Variants in PBRM1 observed in about 807,000 individuals in gnomAD.
PBRM1 encodes the protein protein polybromo-1.
In PBRM1, 27 loss-of-function variants were observed where a neutral mutation model predicts 194.5. The observed-to-expected ratio is 0.14, with a 90% CI of 0.10 to 0.19. PBRM1 has a LOEUF of 0.19. PBRM1 is among the 10% of genes least tolerant of loss of function. The probability of loss-of-function intolerance (pLI) is 1.00; values close to 1 mark genes in which losing one functional copy is unlikely to be tolerated. For missense variants in PBRM1, 1,466 were observed against 2,077.2 expected (o/e 0.71, Z 5.72); for synonymous variants, 655 against 693.2 (o/e 0.94, Z 0.87).
At chr3:52,682,501 T>C (rs1044694052), upstream of PBRM1, among the ~76,000 whole-genome samples, 3 of 152,024 alleles carry the variant, frequency 2.0e-5, no homozygotes, top group Admixed American at 1.3e-4. Context: ...GATGACACAA[T>C]ATCCCAATAT....
At chr3:52,674,230 C>T (rs1041732353) in intron 2 of PBRM1, among the ~76,000 whole-genome samples, 1 of 151,802 alleles carries the variant, frequency 6.6e-6, no homozygotes, top group Admixed American at 6.6e-5. Flanking sequence ...GCCTGTAATG[C>T]CAGCACTTTG....
At chr3:52,592,297 A>G (rs2093163924) in intron 17 of PBRM1, among the ~76,000 whole-genome samples, 1 of 151,074 alleles carries the variant, frequency 6.6e-6, no homozygotes, top group Non-Finnish European at 1.5e-5. Context: ...ACACCTGGCT[A>G]ATTTTTGTAT....
chr3:52,583,342 C>T (rs72947583), intron 20 of PBRM1, among the ~76,000 whole-genome samples: 16,957 of 150,016 alleles, frequency 0.11, 2,526 homozygotes, highest in African/African-American at 0.35. Flanking sequence ...CCCAGGAAGG[C>T]GGACGTTACA....
At chr3:52,623,833 C>G (rs2095358355) in intron 13 of PBRM1, among the ~76,000 whole-genome samples, 1 of 152,180 alleles carries the variant, frequency 6.6e-6, no homozygotes, top group Non-Finnish European at 1.5e-5. Context: ...TGTAACACTA[C>G]CCAGTGATGC....
At chr3:52,659,453 A>C (rs2096672982) in intron 4 of PBRM1, among the ~76,000 whole-genome samples, 2 of 151,448 alleles carry the variant, frequency 1.3e-5, no homozygotes, top group Non-Finnish European at 2.9e-5. Flanking sequence ...TTTCCTCCCC[A>C]CTCTGTTGCC....
At position 52,595,589 on chromosome 3, in the gene PBRM1, T is replaced by C. The variant is rs534228543; in HGVS notation, c.2780-6334A>G. Reference sequence around the variant, plus strand: ...TTCTGGTAACTAATCCATTGTGAGATGGTTAGTTTGCAGATAGTTTTTTCC... The same window carrying C: ...TTCTGGTAACTAATCCATTGTGAGACGGTTAGTTTGCAGATAGTTTTTTCC... On this transcript the variant is annotated intron_variant, in intron 17 of 29. Coordinates refer to ENST00000296302, the Ensembl canonical transcript of PBRM1. Among the ~76,000 whole-genome samples, 152 of 152,310 alleles carry C rather than the reference T, an allele frequency of 1.0e-3. 1 individual carries two copies. Among genetic ancestry groups the C allele is most frequent in the South Asian group, 2.7e-3 (13 of 4,828 alleles).
intron 21 of PBRM1, among the ~76,000 whole-genome samples, chr3:52,578,635 T>C (rs1335113938): frequency 6.6e-6 from 1 of 152,228 alleles, no homozygotes; most frequent in African/African-American, 2.4e-5. Context: ...GAGCAGGGAA[T>C]ACAAGGGTGA....
chr3:52,651,656 C>T, intron 6 of PBRM1, 86 bp downstream of exon 7: 2 of 673,020 alleles, frequency 3.0e-6, no homozygotes, highest in Non-Finnish European at 5.1e-6. Flanking sequence ...AGACAACTAG[C>T]TTCTCTGTTT....
chr3:52,631,336 A>G (rs2153615435), intron 11 of PBRM1, among the ~76,000 whole-genome samples: 1 of 152,244 alleles, frequency 6.6e-6, no homozygotes, highest in East Asian at 1.9e-4. Flanking sequence ...ATTACTGATC[A>G]AATGGTGAAA....
At chr3:52,654,933 T>C (rs1371629223) in intron 5 of PBRM1, among the ~76,000 whole-genome samples, 1 of 152,072 alleles carries the variant, frequency 6.6e-6, no homozygotes, top group East Asian at 1.9e-4. Flanking sequence ...TGACTACAGG[T>C]GCACACCACC....
At chr3:52,671,428 G>C (rs1337144351) in intron 2 of PBRM1, among the ~76,000 whole-genome samples, 1 of 152,202 alleles carries the variant, frequency 6.6e-6, no homozygotes, top group Non-Finnish European at 1.5e-5. Flanking sequence ...CAGAGGGACG[G>C]TATCTTCTAT....
At chr3:52,627,426 A>T (rs2095481337) in intron 12 of PBRM1, 56 bp from the exon 14 acceptor site, 9 of 994,274 alleles carry the variant, frequency 9.1e-6, no homozygotes, top group Admixed American at 5.3e-5. Flanking sequence ...TCCTCTGAAT[A>T]TATGAATGTT....
At chr3:52,583,131 C>T (rs933112327) in intron 20 of PBRM1, among the ~76,000 whole-genome samples, 7 of 135,832 alleles carry the variant, frequency 5.2e-5, no homozygotes, top group South Asian at 2.4e-4. Flanking sequence ...CTAATAGGGG[C>T]GGGGGCGGTG....
rs140165139 is a variant in PBRM1 at position 52,676,751 on chromosome 3, C to G, written c.236+1749G>C. Among the ~76,000 whole-genome samples the G allele has an allele frequency of 4.0e-3, 614 of 152,288 alleles. 3 individuals are homozygous for G. Among genetic ancestry groups the G allele is most frequent in the South Asian group, 0.023 (111 of 4,818 alleles). ...GACAGGAAAATGTGGGAGTTTGGAA[C>G]TTCCTAGAGACTTGAATGGCTTTGA... On this transcript the variant is annotated intron_variant, in intron 2 of 29. Transcript: ENST00000296302.
intron 17 of PBRM1, among the ~76,000 whole-genome samples, chr3:52,599,779 G>A (rs2093854123): frequency 1.3e-5 from 2 of 151,130 alleles, no homozygotes; most frequent in South Asian, 4.2e-4. Context: ...GCAGTGAACT[G>A]AGATCACGCC....
chr3:52,658,862 G>A (rs1192377473), intron 4 of PBRM1, among the ~76,000 whole-genome samples: 1 of 152,154 alleles, frequency 6.6e-6, no homozygotes, highest in Admixed American at 6.6e-5. Flanking sequence ...TCCTTCTACT[G>A]AACCTTTTTC....
chr3:52,631,830 T>C (rs922043094), intron 11 of PBRM1, among the ~76,000 whole-genome samples: 2 of 152,232 alleles, frequency 1.3e-5, no homozygotes, highest in Non-Finnish European at 2.9e-5. Flanking sequence ...ATAAATATCT[T>C]TGAAAATTTG....
In PBRM1 at chr3:52,618,810, G is replaced by A. The variant is rs1451921426; in HGVS notation, c.1542-1272C>T. Among the ~76,000 whole-genome samples the A allele has an allele frequency of 2.0e-5, 3 of 151,730 alleles. No individual in the cohort carries two copies. The South Asian group carries it at 6.2e-4, about 32-fold the overall frequency. On this transcript the variant is annotated intron_variant, in intron 13 of 29. Coordinates refer to ENST00000296302, the Ensembl canonical transcript of PBRM1. The stretch of plus-strand genomic sequence containing the variant: ...CTTGTTGCCCAGGCTGGAGTGCAAC[G>A]GTGTGATCTCTGCTCACCGCAACCT...
At chr3:52,677,732 G>T (rs1475180167) in intron 2 of PBRM1, among the ~76,000 whole-genome samples, 3 of 151,892 alleles carry the variant, frequency 2.0e-5, no homozygotes, top group Non-Finnish European at 4.4e-5. Context: ...GCTAATTTTT[G>T]TATTTTTTAG....
Sources: allele counts gnomAD v4.1 joint callset (sites outside exome capture counted in the v4.1 genomes callset), GRCh38; gene constraint gnomAD v4.1.1; transcripts MANE v1.5; gene names NCBI Gene and HGNC (gene_info 2026-07-23, HGNC 2026-07-21).